ST7L: variants seen among roughly 807,000 people sequenced by gnomAD.
The protein encoded by ST7L is suppression of tumorigenicity 7 like, also known as suppressor of tumorigenicity 7 protein-like.
A neutral mutation model predicts 72.5 loss-of-function variants in ST7L; 57 were observed. That is an observed-to-expected ratio of 0.79 (90% CI 0.64 to 0.98). ST7L has a LOEUF of 0.98. Ranked by LOEUF, ST7L falls within the 50% of genes least tolerant of loss-of-function variation. The probability of loss-of-function intolerance (pLI) is 0.00; values close to 1 mark genes in which losing one functional copy is unlikely to be tolerated. For missense variants in ST7L, 576 were observed against 672.2 expected, an observed-to-expected ratio of 0.86 and a Z score of 1.58; for synonymous variants, 221 against 240.9, an observed-to-expected ratio of 0.92 and a Z score of 0.77.
At chr1:112,522,413 T>G (rs1652931181), downstream of ST7L, 1 of 152,160 alleles carries the variant, frequency 6.6e-6, no homozygotes, top group Non-Finnish European at 1.5e-5. Context: ...TAGCCCATCA[T>G]GACTTCTCTA....
In ST7L at chr1:112,610,919, C is replaced by T; in HGVS notation, c.373G>A (p.Gly125Arg). The T allele has an allele frequency of 6.2e-7, 1 of 1,614,226 alleles. No homozygotes were observed. The highest frequency in any genetic ancestry group is 8.5e-7 in the Non-Finnish European group (1 of 1,180,052). The change falls in exon 3 of 15, where the codon GGA becomes AGA. Residue 125 changes from glycine to arginine, a missense_variant. Gly to Arg is a moderately radical substitution (Grantham distance 125). Transcript: ENST00000358039. The stretch of plus-strand genomic sequence containing the variant: ...GGTTCTGAAATGCTGCTCTCTGTTC[C>T]TCCCATCAGTGGTTGCAAATGGCTT... ...SVSHLQPLMG[G>R]TESSISEPGS...
intron 12 of ST7L, among the ~76,000 whole-genome samples, chr1:112,555,437 C>T (rs1274087681): frequency 2.6e-5 from 4 of 151,852 alleles, no homozygotes; most frequent in Non-Finnish European, 5.9e-5. Flanking sequence ...TGGTGGCAGG[C>T]GCCTGTAGTC....
At chr1:112,557,510 GT>G (rs1659403773) in intron 11 of ST7L, among the ~76,000 whole-genome samples, 1 of 152,108 alleles carries the variant, frequency 6.6e-6, no homozygotes, top group Non-Finnish European at 1.5e-5. Context: ...ATATTTGGTT[GT>G]TTTTAGCTTT....
chr1:112,563,561 T>C (rs1374051062), intron 11 of ST7L, among the ~76,000 whole-genome samples: 2 of 152,218 alleles, frequency 1.3e-5, no homozygotes, highest in Non-Finnish European at 2.9e-5. Flanking sequence ...ACTCAGCCTA[T>C]TGTGTCTGTA....
intron 14 of ST7L, among the ~76,000 whole-genome samples, chr1:112,535,508 T>C (rs534797543): frequency 2.6e-5 from 4 of 152,160 alleles, no homozygotes; most frequent in Admixed American, 6.5e-5. Flanking sequence ...TGTGGACAGA[T>C]TGCTTGAGCT....
At chr1:112,594,104 A>G (rs1289959251) in intron 5 of ST7L, among the ~76,000 whole-genome samples, 1 of 151,748 alleles carries the variant, frequency 6.6e-6, no homozygotes, top group Non-Finnish European at 1.5e-5. Flanking sequence ...ACTCTTTCCT[A>G]TAACTGATCT....
intron 4 of ST7L, among the ~76,000 whole-genome samples, chr1:112,598,626 T>C (rs1286912157): frequency 6.7e-6 from 1 of 149,968 alleles, no homozygotes; most frequent in Non-Finnish European, 1.5e-5. Context: ...AAAACGAAAA[T>C]TAAGGATTGG....
chr1:112,610,590 C>G, intron 3 of ST7L: 1 of 393,868 alleles, frequency 2.5e-6, no homozygotes, highest in Non-Finnish European at 4.5e-6. Flanking sequence ...TGGTGTCCTC[C>G]CACGGTAGAA....
rs556388277 is a variant in ST7L, at chr1:112,604,775, TAAAAAAAAA to T, written c.452-3936_452-3928del. ...CAACATAGTGAGGCCTTGTCTCTCT[TAAAAAAAAA>T]AAAAAAAAAAAAAAAAAAAGACTGG... On this transcript the variant is annotated intron_variant, in intron 3 of 14. Coordinates refer to ENST00000358039, the MANE Select transcript of ST7L (RefSeq NM_017744.5). Among the ~76,000 whole-genome samples the T allele has an allele frequency of 2.0e-4, 12 of 58,778 alleles. No individual in the cohort carries two copies. In the East Asian group the frequency reaches 2.6e-3, roughly 13 times the overall value. 38.6% of individuals were successfully genotyped at this position (58,778 alleles called of 152,430 possible).
chr1:112,594,676 T>C lies in ST7L; in HGVS notation c.623-3073A>G, dbSNP rs776242941. Among the ~76,000 whole-genome samples the C allele has an allele frequency of 2.6e-5, 4 of 152,298 alleles. No individual in the cohort carries two copies. The South Asian group carries it at 8.3e-4, about 32-fold the overall frequency. ...GAATCTGAATTCAGAAGACAGATGG[T>C]TGTCATGGGGAGGCATGTTAATATG... On this transcript the variant is annotated intron_variant, in intron 5 of 14. Coordinates refer to ENST00000358039, the MANE Select transcript of ST7L (RefSeq NM_017744.5).
At chr1:112,598,595 TA>T (rs554437335) in intron 4 of ST7L, among the ~76,000 whole-genome samples, 261 of 132,030 alleles carry the variant, frequency 2.0e-3, no homozygotes, top group Middle Eastern at 3.8e-3. Flanking sequence ...ATTTTTTAAC[TA>T]AAAAAAAAAA....
intron 6 of ST7L, among the ~76,000 whole-genome samples, chr1:112,584,688 A>G (rs1362779378): frequency 6.6e-6 from 1 of 152,038 alleles, no homozygotes; most frequent in East Asian, 1.9e-4. Flanking sequence ...GGGTTTCAAC[A>G]TGTTGGCTAG....
downstream of ST7L, among the ~76,000 whole-genome samples, chr1:112,519,394 T>G (rs745609016): frequency 1.3e-5 from 2 of 152,206 alleles, no homozygotes; most frequent in Non-Finnish European, 2.9e-5. Flanking sequence ...TATTCTCCGT[T>G]TTGAACCTAG....
chr1:112,616,718 G>C, intron 2 of ST7L, 95 bp downstream of exon 2: 6 of 835,122 alleles, frequency 7.2e-6, no homozygotes, highest in Non-Finnish European at 1.1e-5. Context: ...ACTCCAGCCT[G>C]GGCGACAGAG....
At chr1:112,520,333 G>A (rs770762302), downstream of ST7L, 24 of 1,614,022 alleles carry the variant, frequency 1.5e-5, no homozygotes, top group Admixed American at 2.0e-4. Context: ...AGGAACAGAC[G>A]GTTGTGAAAT....
intron 11 of ST7L, among the ~76,000 whole-genome samples, chr1:112,566,053 T>C (rs1303159152): frequency 2.0e-5 from 3 of 151,676 alleles, no homozygotes; most frequent in Non-Finnish European, 4.4e-5. Flanking sequence ...ACAACCACCA[T>C]GATAATCAAT....
chr1:112,602,713 CT>C (rs35617753), intron 3 of ST7L, among the ~76,000 whole-genome samples: 7,520 of 120,400 alleles, frequency 0.062, 353 homozygotes, highest in African/African-American at 0.2. Context: ...CATTTTCTTT[CT>C]TTTTTTTTTT....
At chr1:112,532,492 GA>G (rs1028807359) in intron 14 of ST7L, among the ~76,000 whole-genome samples, 5 of 152,148 alleles carry the variant, frequency 3.3e-5, no homozygotes, top group Non-Finnish European at 5.9e-5. Flanking sequence ...AAGAGTGTGG[GA>G]ATGTGCTCCC....
intron 3 of ST7L, chr1:112,606,962 T>C (rs1032600001): frequency 6.6e-6 from 1 of 152,192 alleles, no homozygotes; most frequent in Non-Finnish European, 1.5e-5. Flanking sequence ...CATGTGAATT[T>C]TGGGGGACAC....
Sources: allele counts gnomAD v4.1 joint callset (sites outside exome capture counted in the v4.1 genomes callset), GRCh38; gene constraint gnomAD v4.1.1; transcripts MANE v1.5; gene names NCBI Gene and HGNC (gene_info 2026-07-23, HGNC 2026-07-21).